The following TRPS1 variants were observed in gnomAD, a reference collection of about 807,000 sequenced individuals.
The protein encoded by TRPS1 is transcriptional repressor GATA binding 1.
Under a neutral mutation model 101.2 loss-of-function variants are expected in TRPS1, and 6 were observed. The ratio of observed to expected loss-of-function variants is 0.06; its 90% CI spans 0.03 to 0.12. The LOEUF (loss-of-function observed/expected upper bound fraction) is 0.12. Ranked by LOEUF, TRPS1 falls within the 10% of genes least tolerant of loss-of-function variation. TRPS1 has a pLI of 1.00. For synonymous variants in TRPS1, 578 were observed against 589.8 expected, an observed-to-expected ratio of 0.98 and a Z score of 0.29; for missense variants, 1,363 against 1,567.0, an observed-to-expected ratio of 0.87 and a Z score of 2.20.
intron 5 of TRPS1, among the ~76,000 whole-genome samples, chr8:115,455,736 T>C (rs186462577): frequency 1.3e-5 from 2 of 151,856 alleles, no homozygotes; most frequent in Admixed American, 6.6e-5. Context: ...TTTTTTTCTA[T>C]GCCATATGGC....
At chr8:115,453,096 A>T (rs542313401) in intron 5 of TRPS1, among the ~76,000 whole-genome samples, 2 of 151,336 alleles carry the variant, frequency 1.3e-5, no homozygotes, top group South Asian at 4.2e-4. Context: ...ATCTCGGCTC[A>T]CTGCAACCTC....
At chr8:115,569,625 T>C (rs1397268852) in intron 5 of TRPS1, among the ~76,000 whole-genome samples, 1 of 152,110 alleles carries the variant, frequency 6.6e-6, no homozygotes, top group African/African-American at 2.4e-5. Context: ...CTTTCTCTTC[T>C]TCTTATCACA....
intron 5 of TRPS1, among the ~76,000 whole-genome samples, chr8:115,577,939 T>C (rs140446461): frequency 5.4e-4 from 82 of 152,190 alleles, no homozygotes; most frequent in Middle Eastern, 3.4e-3. Context: ...GCATCATCCA[T>C]GGAGGCAAAG....
intron 2 of TRPS1, among the ~76,000 whole-genome samples, chr8:115,621,178 C>G (rs912205783): frequency 6.6e-6 from 1 of 152,146 alleles, no homozygotes; most frequent in Non-Finnish European, 1.5e-5. Context: ...AATGCATTAA[C>G]AAAGGCTGGT....
intron 1 of TRPS1, among the ~76,000 whole-genome samples, chr8:115,639,231 T>C (rs1008372148): frequency 5.3e-5 from 8 of 152,216 alleles, no homozygotes; most frequent in African/African-American, 1.9e-4. Flanking sequence ...TCTGGGTTAA[T>C]TGAATTTTAT....
intron 5 of TRPS1, among the ~76,000 whole-genome samples, chr8:115,537,704 G>T (rs1336956285): frequency 6.6e-6 from 1 of 152,102 alleles, no homozygotes; most frequent in African/African-American, 2.4e-5. Context: ...TATAATCCAG[G>T]AAATTCAACG....
intron 5 of TRPS1, among the ~76,000 whole-genome samples, chr8:115,441,898 A>AGAGTGTGTGT (rs1554620719): frequency 1.7e-4 from 20 of 116,188 alleles, no homozygotes; most frequent in Non-Finnish European, 2.6e-4. Context: ...AGAGAGAGAG[A>AGAGTGTGTGT]GTGTGTGTGT....
rs568748862 is a variant in TRPS1, at chr8:115,549,845, T to A, written c.2700+37156A>T. Among the ~76,000 whole-genome samples the A allele has an allele frequency of 5.9e-5, 9 of 152,284 alleles. No homozygotes were observed. In the East Asian group the frequency reaches 1.7e-3, roughly 29 times the overall value. ...GCAGCAATTGTAGGATGGGCAATGC[T>A]GTCCTAGTAACCCTGGATAGGTAAC... On this transcript the variant is annotated intron_variant, in intron 5 of 6. Coordinates refer to ENST00000395715, the MANE Select transcript of TRPS1 (RefSeq NM_014112.5).
At chr8:115,456,221 G>A (rs538270400) in intron 5 of TRPS1, among the ~76,000 whole-genome samples, 1 of 152,220 alleles carries the variant, frequency 6.6e-6, no homozygotes, top group East Asian at 1.9e-4. Context: ...AATATAAAGT[G>A]GAGAAGTAAA....
chr8:115,634,627 G>A (rs1372156395), intron 1 of TRPS1, among the ~76,000 whole-genome samples: 3 of 152,044 alleles, frequency 2.0e-5, no homozygotes, highest in Non-Finnish European at 2.9e-5. Flanking sequence ...AAGATAACTT[G>A]TTTATTGAGC....
Position 115,604,040 on chromosome 8 carries a change from G to C in TRPS1, c.1929C>G (p.Leu643=). 1.9e-6 allele frequency: 3 copies of C among 1,614,086 alleles called. No homozygotes were observed. Among genetic ancestry groups the C allele is most frequent in the Non-Finnish European group, 2.5e-6 (3 of 1,179,998 alleles). ...ACTCATGCACACTTTCATAGTGAAA[G>C]AGGAGTACATCTACGTCAGGGGTGG... ...SFTTPDVDVL[L]FHYESVHESQ... The change falls in exon 4 of 7, where the codon CTC becomes CTG. Residue 643 remains leucine, a synonymous_variant. Coordinates refer to ENST00000395715, the MANE Select transcript of TRPS1 (RefSeq NM_014112.5). The surrounding 1 kb of genome is among the most constrained non-coding windows in gnomAD (Gnocchi z 4.1).
At chr8:115,508,113 C>T (rs1257193184) in intron 5 of TRPS1, among the ~76,000 whole-genome samples, 1 of 152,014 alleles carries the variant, frequency 6.6e-6, no homozygotes, top group Non-Finnish European at 1.5e-5. Context: ...AGCCAATGTG[C>T]CCAGTTCATG....
chr8:115,453,012 G>C (rs1364087628), intron 5 of TRPS1, among the ~76,000 whole-genome samples: 2 of 151,862 alleles, frequency 1.3e-5, no homozygotes. Context: ...AATTTTGCTT[G>C]TCCTCCACTT....
intron 5 of TRPS1, among the ~76,000 whole-genome samples, chr8:115,577,621 C>G (rs1225320697): frequency 6.6e-6 from 1 of 151,988 alleles, no homozygotes; most frequent in Non-Finnish European, 1.5e-5. Context: ...TCTATGTTTG[C>G]AGAAAATTCC....
At chr8:115,451,317 T>C (rs1267531196) in intron 5 of TRPS1, among the ~76,000 whole-genome samples, 2 of 152,122 alleles carry the variant, frequency 1.3e-5, no homozygotes, top group East Asian at 3.9e-4. Flanking sequence ...TCAACATTCA[T>C]TCTCTCTTTT....
intron 3 of TRPS1, 107 bp downstream of exon 3, chr8:115,619,025 C>T (rs1818327202): frequency 2.5e-6 from 3 of 1,194,078 alleles, no homozygotes; most frequent in East Asian, 2.5e-5. Flanking sequence ...CTAGATCTAG[C>T]AGGCTACCTG....
chr8:115,441,898 A>AGAGAGTGTGTGT (rs1554620719), intron 5 of TRPS1, among the ~76,000 whole-genome samples: 12 of 116,150 alleles, frequency 1.0e-4, no homozygotes, highest in African/African-American at 4.1e-4. Flanking sequence ...AGAGAGAGAG[A>AGAGAGTGTGTGT]GTGTGTGTGT....
At position 115,530,999 on chromosome 8, in the gene TRPS1, C is replaced by T. The variant is rs183461416; in HGVS notation, c.2700+56002G>A. ...AATGTAAATGACGAGTTAATGGGTG[C>T]AGCACACCAACATGGCACATGTATA... On this transcript the variant is annotated intron_variant, in intron 5 of 6. Coordinates refer to ENST00000395715, the MANE Select transcript of TRPS1 (RefSeq NM_014112.5). Among the ~76,000 whole-genome samples the T allele has an allele frequency of 2.5e-3, 377 of 152,142 alleles. 2 individuals carry two copies. The highest frequency in any genetic ancestry group is 3.9e-3 in the Non-Finnish European group (268 of 67,994).
intron 5 of TRPS1, chr8:115,509,670 G>A (rs563642992): frequency 6.6e-6 from 1 of 152,030 alleles, no homozygotes; most frequent in Non-Finnish European, 1.5e-5. Flanking sequence ...ATTTTGAGAA[G>A]AGAGTTACAG....
Sources: gnomAD v4.1 joint callset for allele counts (sites outside exome capture counted in the v4.1 genomes callset) on GRCh38, gnomAD v4.1.1 for gene constraint, Gnocchi (gnomAD v3.1) non-coding constraint, MANE v1.5 for transcripts, NCBI Gene and HGNC (gene_info 2026-07-23, HGNC 2026-07-21) for gene names.